NRXN3: variants seen among roughly 807,000 people sequenced by gnomAD.
The protein encoded by NRXN3 is neurexin III.
NRXN3 carries 32 observed loss-of-function variants against 137.6 expected under a neutral mutation model. The observed-to-expected ratio is 0.23, with a 90% CI of 0.18 to 0.31. The LOEUF is 0.31. Ranked by LOEUF, NRXN3 falls within the 10% of genes least tolerant of loss-of-function variation. NRXN3 has a pLI of 1.00. For synonymous variants in NRXN3, 798 were observed against 784.5 expected, an observed-to-expected ratio of 1.02 and a Z score of -0.29; for missense variants, 1,574 against 2,062.5, an observed-to-expected ratio of 0.76 and a Z score of 4.59.
intron 15 of NRXN3, among the ~76,000 whole-genome samples, chr14:79,234,479 G>A (rs2073021325): frequency 6.7e-6 from 1 of 149,978 alleles, no homozygotes; most frequent in African/African-American, 2.5e-5. Flanking sequence ...CACCTCCTGA[G>A]GTTCAAGCCA....
chr14:79,101,798 A>G (rs547593410), intron 15 of NRXN3, among the ~76,000 whole-genome samples: 36 of 152,274 alleles, frequency 2.4e-4, no homozygotes, highest in African/African-American at 8.7e-4. Flanking sequence ...TTAAAATGGA[A>G]GCTAAGATGG....
intron 15 of NRXN3, among the ~76,000 whole-genome samples, chr14:79,148,329 C>T (rs1339577446): frequency 1.3e-5 from 2 of 152,130 alleles, no homozygotes; most frequent in African/African-American, 4.8e-5. Context: ...GGCATGCTCC[C>T]AGAAGCTGAG....
At chr14:79,331,689 G>A (rs947046681) in intron 15 of NRXN3, among the ~76,000 whole-genome samples, 61 of 152,074 alleles carry the variant, frequency 4.0e-4, no homozygotes, top group Non-Finnish European at 2.1e-4. Flanking sequence ...TCCCATGTAA[G>A]TGTATTTTGC....
intron 4 of NRXN3, among the ~76,000 whole-genome samples, chr14:78,514,561 G>A (rs1468420461): frequency 1.3e-5 from 2 of 152,122 alleles, no homozygotes; most frequent in African/African-American, 2.4e-5. Context: ...CAATCATTGA[G>A]TTCAACAAAT....
intron 15 of NRXN3, among the ~76,000 whole-genome samples, chr14:79,090,340 T>C (rs2048926194): frequency 6.6e-6 from 1 of 152,186 alleles, no homozygotes; most frequent in African/African-American, 2.4e-5. Context: ...CTTTGGAAAT[T>C]CTTCCTTTCC....
At chr14:78,950,406 T>C (rs935228654) in intron 10 of NRXN3, among the ~76,000 whole-genome samples, 1 of 152,196 alleles carries the variant, frequency 6.6e-6, no homozygotes, top group Non-Finnish European at 1.5e-5. Flanking sequence ...TCCAGATTCA[T>C]TCCATTTCAA....
At chr14:78,785,140 T>G (rs2098784844) in intron 8 of NRXN3, among the ~76,000 whole-genome samples, 1 of 152,172 alleles carries the variant, frequency 6.6e-6, no homozygotes, top group African/African-American at 2.4e-5. Flanking sequence ...AGAGATAGCT[T>G]TTGCTAGTTA....
intron 19 of NRXN3, among the ~76,000 whole-genome samples, chr14:79,773,909 T>C (rs2099088369): frequency 6.6e-6 from 1 of 151,568 alleles, no homozygotes. Context: ...CGGTAGGTTA[T>C]AGACCTAACA....
chr14:79,132,954 G>A (rs1300978420), intron 15 of NRXN3, among the ~76,000 whole-genome samples: 1 of 152,178 alleles, frequency 6.6e-6, no homozygotes, highest in Non-Finnish European at 1.5e-5. Flanking sequence ...TCATCAACAG[G>A]TCATTGAATG....
intron 15 of NRXN3, among the ~76,000 whole-genome samples, chr14:79,250,225 G>A (rs1039955393): frequency 9.9e-5 from 15 of 152,170 alleles, no homozygotes; most frequent in Non-Finnish European, 2.1e-4. Context: ...AATAATAAAT[G>A]AGTGAATGAG....
rs114243497 is a variant in NRXN3 at position 79,607,661 on chromosome 14, T to C, written c.3445-56117T>C. On this transcript the variant is annotated intron_variant, in intron 16 of 20. Coordinates refer to ENST00000335750, the MANE Select transcript of NRXN3 (RefSeq NM_001330195.2). ...TAGCCGTTTGAGCCACATATTTAAATGTTAATCTACAATTTTTTTTTTTTT... is the reference window on the plus strand; with the variant it reads ...TAGCCGTTTGAGCCACATATTTAAACGTTAATCTACAATTTTTTTTTTTTT... Among the ~76,000 whole-genome samples the C allele has an allele frequency of 4.0e-3, 601 of 148,972 alleles. 8 individuals are homozygous for C. The highest frequency in any genetic ancestry group is 0.014 in the African/African-American group (563 of 39,726).
chr14:78,919,046 G>C (rs1386632919), intron 10 of NRXN3, among the ~76,000 whole-genome samples: 1 of 151,968 alleles, frequency 6.6e-6, no homozygotes, highest in East Asian at 1.9e-4. Flanking sequence ...TGGTAAACTA[G>C]TATTAAAATT....
chr14:79,821,865 G>A (rs747580574), intron 20 of NRXN3, among the ~76,000 whole-genome samples: 3 of 151,800 alleles, frequency 2.0e-5, no homozygotes, highest in African/African-American at 7.3e-5. Flanking sequence ...TTCAATCCCA[G>A]GTGTCCTAAA....
chr14:78,222,237 A>G (rs189419257), intron 1 of NRXN3, among the ~76,000 whole-genome samples: 1 of 152,312 alleles, frequency 6.6e-6, no homozygotes, highest in East Asian at 1.9e-4. Flanking sequence ...AGAATTCGAA[A>G]GAGGCATTGG....
At chr14:79,009,291 T>G (rs760487231) in intron 15 of NRXN3, among the ~76,000 whole-genome samples, 1 of 152,052 alleles carries the variant, frequency 6.6e-6, no homozygotes, top group Non-Finnish European at 1.5e-5. Flanking sequence ...AAAAAAGAAA[T>G]GGTAATCTGA....
intron 2 of NRXN3, among the ~76,000 whole-genome samples, chr14:78,256,933 G>T (rs1208246884): frequency 6.6e-6 from 1 of 152,140 alleles, no homozygotes; most frequent in Non-Finnish European, 1.5e-5. Context: ...TATCCCCAGG[G>T]CTTGCAGCTT....
At chr14:78,413,475 A>AG (rs1485547004) in intron 4 of NRXN3, among the ~76,000 whole-genome samples, 1 of 152,022 alleles carries the variant, frequency 6.6e-6, no homozygotes, top group Non-Finnish European at 1.5e-5. Flanking sequence ...AGTAGAGACG[A>AG]GGTTTCTCCA....
intron 20 of NRXN3, among the ~76,000 whole-genome samples, chr14:79,809,676 C>T (rs751328013): frequency 2.6e-4 from 40 of 152,240 alleles, no homozygotes; most frequent in African/African-American, 7.7e-4. Flanking sequence ...GATTTTAACT[C>T]GATTTGTAAA....
intron 2 of NRXN3, among the ~76,000 whole-genome samples, chr14:78,272,267 C>G (rs2072902319): frequency 1.3e-5 from 2 of 152,120 alleles, no homozygotes; most frequent in African/African-American, 4.8e-5. Context: ...CTGTAGAAGC[C>G]CACAACTCCT....
Sources: gnomAD v4.1 joint callset for allele counts (sites outside exome capture counted in the v4.1 genomes callset) on GRCh38, gnomAD v4.1.1 for gene constraint, MANE v1.5 for transcripts, NCBI Gene and HGNC (gene_info 2026-07-23, HGNC 2026-07-21) for gene names.